CCNL2: variants seen among roughly 807,000 people sequenced by gnomAD.
The protein encoded by CCNL2 is cyclin-L2.
In CCNL2, 28 loss-of-function variants were observed where a neutral mutation model predicts 59.1. The observed-to-expected ratio is 0.47, with a 90% CI of 0.35 to 0.65. The LOEUF is 0.65. CCNL2 is among the 30% of genes least tolerant of loss of function. CCNL2 has a pLI of 0.00. For missense variants in CCNL2, 714 were observed against 717.4 expected (o/e 1.00, Z 0.05); for synonymous variants, 342 against 288.6 (o/e 1.19, Z -1.88).
chr1:1,398,160 G>A (rs879199574), intron 3 of CCNL2, 73 bp downstream of exon 3: 27 of 1,418,146 alleles, frequency 1.9e-5, no homozygotes, highest in African/African-American at 1.8e-4. Context: ...TGTTATACAA[G>A]CCTTACTGTA....
chr1:1,387,318 A>T lies in CCNL2; in HGVS notation c.1476T>A (p.Asp492Glu). ...KYKKKSHYYR[D>E]QRRERSRSYE... ...ACGACCTCGAGCGCTCTCGTCGCTG[A>T]TCTCTGTAGTAATGACTTTTCTTCT... The change falls in exon 11 of 11, where the codon GAT becomes GAA. Residue 492 changes from aspartate (D) to glutamate (E), a missense_variant. By Grantham distance (45) the Asp-to-Glu change is conservative. This residue lies in a region of CCNL2 where 403 missense variants were observed against 377.7 expected (regional missense o/e 1.07). Coordinates refer to ENST00000400809, the MANE Select transcript of CCNL2 (RefSeq NM_030937.6). 1 of 1,613,990 alleles carries T rather than the reference A, an allele frequency of 6.2e-7. No individual in the cohort carries two copies. Among genetic ancestry groups the T allele is most frequent in the Non-Finnish European group, 8.5e-7 (1 of 1,180,028 alleles).
At chr1:1,392,033 A>G in intron 5 of CCNL2, 1 of 162,040 alleles carries the variant, frequency 6.2e-6, no homozygotes, top group Non-Finnish European at 1.4e-5. Context: ...CCCACTCAAG[A>G]GATTTCTAAA....
chr1:1,398,484 A>G (rs369484768), intron 2 of CCNL2, 113 bp downstream of exon 2: 21 of 1,578,362 alleles, frequency 1.3e-5, no homozygotes, highest in African/African-American at 1.2e-4. Context: ...ACCCTCCGGC[A>G]CAGAGCTCAG....
intron 5 of CCNL2, chr1:1,391,838 G>T: frequency 3.4e-6 from 1 of 295,034 alleles, no homozygotes; most frequent in South Asian, 2.8e-5. Flanking sequence ...TGCAAAAACA[G>T]AAAGGGTGAT....
At position 1,399,053 on chromosome 1, in the gene CCNL2, A is replaced by G. The variant is rs749227773; in HGVS notation, c.254T>C (p.Ile85Thr). 2.5e-6 allele frequency: 4 copies of G among 1,606,386 alleles called. No homozygotes were observed. The highest frequency in any genetic ancestry group is 2.5e-6 in the Non-Finnish European group (3 of 1,177,614). ...TDLRVVGCEL[I>T]QAAGILLRLP... ...GCGGAGCAGGATACCGGCCGCCTGG[A>G]TGAGCTCGCAGCCCACCACGCGGAG... is the stretch of plus-strand genomic sequence containing the variant. The change falls in exon 1 of 11, where the codon ATC becomes ACC. Residue 85 changes from isoleucine to threonine, a missense_variant. Coordinates refer to ENST00000400809, the MANE Select transcript of CCNL2 (RefSeq NM_030937.6).
chr1:1,392,323 A>G (rs1184674645), intron 5 of CCNL2: 5 of 993,294 alleles, frequency 5.0e-6, no homozygotes, highest in African/African-American at 1.7e-5. Flanking sequence ...AAGTGATACA[A>G]TATTTTTCAA....
intron 3 of CCNL2, 50 bp downstream of exon 3, chr1:1,398,183 A>T (rs977324661): frequency 6.4e-7 from 1 of 1,551,244 alleles, no homozygotes; most frequent in Admixed American, 1.7e-5. Context: ...TTAATCAGAA[A>T]TAAAGAAAAT....
intron 5 of CCNL2, chr1:1,392,945 T>C: frequency 1.2e-6 from 1 of 829,828 alleles, no homozygotes; most frequent in South Asian, 1.6e-5. Flanking sequence ...ATCCCCAGAA[T>C]CCCCCAAATA....
intron 8 of CCNL2, chr1:1,388,651 A>G (rs1284138648): frequency 1.9e-5 from 8 of 420,168 alleles, no homozygotes; most frequent in Non-Finnish European, 3.8e-5. Context: ...GGCGCCTGCA[A>G]TCCCAGCTAC....
At chr1:1,393,073 C>T (rs572091407) in intron 5 of CCNL2, 69 of 592,776 alleles carry the variant, frequency 1.2e-4, no homozygotes, top group African/African-American at 1.1e-3. Context: ...CAAGTCTGCA[C>T]TAGCCTGTCC....
intron 4 of CCNL2, chr1:1,395,156 C>A: frequency 2.2e-6 from 1 of 453,148 alleles, no homozygotes. Flanking sequence ...TTTTGAAAGC[C>A]CAAACTTAAA....
At chr1:1,392,029 CAA>C (rs1644788471) in intron 5 of CCNL2, 1 of 161,730 alleles carries the variant, frequency 6.2e-6, no homozygotes, top group Non-Finnish European at 1.4e-5. Flanking sequence ...CAAACCCACT[CAA>C]GAGATTTCTA....
intron 5 of CCNL2, chr1:1,391,784 A>T (rs1166966068): frequency 3.3e-5 from 11 of 336,404 alleles, no homozygotes; most frequent in Non-Finnish European, 6.4e-5. Flanking sequence ...GATCTCTAAG[A>T]TTTAATAGAC....
At position 1,386,602 on chromosome 1, in the gene CCNL2, C is replaced by G. The variant is rs952647544; in HGVS notation, c.*629G>C. Reference sequence around the variant, plus strand: ...TCAGCACCGCACAGATAAAAATATACGACTTTCAACACAGATCCAAATACC... The same window carrying G: ...TCAGCACCGCACAGATAAAAATATAGGACTTTCAACACAGATCCAAATACC... On this transcript the variant is annotated 3_prime_UTR_variant, in exon 11 of 11. Transcript: ENST00000400809. 1 of 152,552 alleles carries G rather than the reference C, an allele frequency of 6.6e-6. No individual in the cohort carries two copies. Among genetic ancestry groups the G allele is most frequent in the Non-Finnish European group, 1.5e-5 (1 of 68,048 alleles). The allele number at this position is 152,552 out of a possible 1,614,324, so 9.4% of individuals were successfully genotyped here. A position where few individuals can be genotyped will look rare whatever the true frequency, so the allele number is the denominator to read the frequency against.
At chr1:1,387,698 A>G (rs12729599) in intron 10 of CCNL2, 79 bp downstream of exon 10, 1,030,420 of 1,441,034 alleles carry the variant, frequency 0.72, 403,252 homozygotes, top group Non-Finnish European at 0.82. Flanking sequence ...ACAAGAAACC[A>G]CCTCAGGGTG....
In CCNL2 at chr1:1,392,113, C is replaced by T. The variant is rs187404060; in HGVS notation, c.660-1248G>A. The T allele has an allele frequency of 2.6e-3, 486 of 186,724 alleles. 4 individuals carry two copies. The highest frequency in any genetic ancestry group is 5.6e-3 in the Middle Eastern group (2 of 356). The allele number at this position is 186,724 out of a possible 1,614,324, so 11.6% of individuals were successfully genotyped here. On this transcript the variant is annotated intron_variant, in intron 5 of 10. Transcript: ENST00000400809. ...GCAGCTCCAGGCATCACGGGGGAAT[C>T]TGTGTGGCGGCCGTGTGGCCCCAGC...
At position 1,393,440 on chromosome 1, in the gene CCNL2, C is replaced by T. The variant is rs1240514581; in HGVS notation, c.615G>A (p.Gln205=). 6.2e-7 allele frequency: 1 copy of T among 1,614,116 alleles called. No homozygotes were observed. The highest frequency in any genetic ancestry group is 8.5e-7 in the Non-Finnish European group (1 of 1,179,980). ...GTTGGTTACGCTCACACTCTAACAC[C>T]TGAAGGTACATAACGATTATCTGGA... ...HPHKIIVMYL[Q]VLECERNQHL... Residue 205 remains glutamine (Q), a synonymous_variant, in exon 5 of 11, where the codon CAG becomes CAA. Coordinates refer to ENST00000400809, the MANE Select transcript of CCNL2 (RefSeq NM_030937.6).
rs751164412 is a variant in CCNL2, at chr1:1,387,404, G to A, written c.1390C>T (p.Arg464Trp). The change falls in exon 11 of 11, where the codon CGG becomes TGG. Residue 464 changes from arginine to tryptophan, a missense_variant. Physicochemically the swap from Arg to Trp is moderately radical, Grantham distance 101. This residue lies in a region of CCNL2 where 403 missense variants were observed against 377.7 expected (regional missense o/e 1.07). Transcript: ENST00000400809. ...CTGCTTCGAGAACGGGAAGAACTCC[G>A]GCTCCGAGACTTGTGTGGCTTCTGG... ...YPQKPHKSRS[R>W]SSSRSRSRSR... 8 of 1,614,012 alleles carry A rather than the reference G, an allele frequency of 5.0e-6. No homozygotes were observed. The highest frequency in any genetic ancestry group is 2.2e-5 in the East Asian group (1 of 44,890).
intron 10 of CCNL2, 35 bp from the exon 11 acceptor site, chr1:1,387,617 C>A (rs1644525253): frequency 2.7e-6 from 4 of 1,459,406 alleles, no homozygotes; most frequent in Middle Eastern, 1.8e-4. Flanking sequence ...CACGTGTGAC[C>A]ATCTGGCCCG....
Sources: gnomAD v4.1 joint callset for allele counts on GRCh38, gnomAD v4.1.1 for gene constraint, gnomAD v4.1.1 regional missense constraint, MANE v1.5 for transcripts, NCBI Gene and HGNC (gene_info 2026-07-23, HGNC 2026-07-21) for gene names.